Variants in RBFOX1 observed in about 807,000 individuals in gnomAD.
RBFOX1 encodes the protein RNA binding fox-1 homolog 1, also known as RNA binding protein fox-1 homolog 1.
A neutral mutation model predicts 57.7 loss-of-function variants in RBFOX1; 8 were observed. That is an observed-to-expected ratio of 0.14 (90% confidence interval 0.08 to 0.25). The LOEUF is 0.25. RBFOX1 is among the 10% of genes least tolerant of loss of function. The pLI, the probability that RBFOX1 is intolerant of heterozygous loss-of-function variation, is 1.00. For synonymous variants in RBFOX1, 326 were observed against 222.4 expected (o/e 1.47, Z -4.15); for missense variants, 611 against 548.5 (o/e 1.11, Z -1.14).
intron 3 of RBFOX1, among the ~76,000 whole-genome samples, chr16:6,913,650 A>C (rs2072311769): frequency 1.3e-5 from 2 of 152,128 alleles, no homozygotes; most frequent in African/African-American, 4.8e-5. Flanking sequence ...TTGGGCAGCA[A>C]GTTGGTCTCC....
intron 2 of RBFOX1, among the ~76,000 whole-genome samples, chr16:6,428,285 C>CAAA (rs755273285): frequency 8.2e-4 from 42 of 51,164 alleles, no homozygotes; most frequent in South Asian, 1.4e-3. Context: ...GACCTTGTCT[C>CAAA]AAAAAAAAAA....
At chr16:6,324,071 C>G (rs991714619) in intron 2 of RBFOX1, among the ~76,000 whole-genome samples, 5 of 152,166 alleles carry the variant, frequency 3.3e-5, no homozygotes, top group Non-Finnish European at 5.9e-5. Flanking sequence ...CCATACTCAG[C>G]CAACTCTGAG....
intron 3 of RBFOX1, among the ~76,000 whole-genome samples, chr16:6,964,661 C>T (rs1994766): frequency 0.79 from 120,563 of 152,140 alleles, 48,279 homozygotes; most frequent in African/African-American, 0.91. Flanking sequence ...TTTTGACAAA[C>T]TCATTCCTTC....
chr16:5,732,056 T>C (rs2052393629), intron 3 of RBFOX1, among the ~76,000 whole-genome samples: 1 of 152,224 alleles, frequency 6.6e-6, no homozygotes, highest in African/African-American at 2.4e-5. Flanking sequence ...TAACATTTCC[T>C]CTTTGCTTCA....
At chr16:5,831,844 T>C (rs1024141719) in intron 3 of RBFOX1, among the ~76,000 whole-genome samples, 2 of 152,210 alleles carry the variant, frequency 1.3e-5, no homozygotes, top group African/African-American at 4.8e-5. Flanking sequence ...AAATTATTTA[T>C]AAATGAATGC....
At chr16:7,380,611 T>C (rs932192995) in intron 4 of RBFOX1, among the ~76,000 whole-genome samples, 1 of 152,244 alleles carries the variant, frequency 6.6e-6, no homozygotes. Flanking sequence ...AACTCTGGTC[T>C]GCTTTCAATT....
At chr16:5,492,819 A>G (rs1288412318) in intron 2 of RBFOX1, among the ~76,000 whole-genome samples, 3 of 152,178 alleles carry the variant, frequency 2.0e-5, no homozygotes, top group Non-Finnish European at 4.4e-5. Context: ...AAACCATTAA[A>G]CCATCAATAG....
chr16:6,478,425 A>ATTTTT (rs1242285726), intron 2 of RBFOX1, among the ~76,000 whole-genome samples: 41 of 11,714 alleles, frequency 3.5e-3, no homozygotes, highest in East Asian at 6.0e-3. Context: ...ATATATATAT[A>ATTTTT]TATATTTTTT....
chr16:6,540,128 A>G (rs752085826), intron 2 of RBFOX1, among the ~76,000 whole-genome samples: 4 of 152,162 alleles, frequency 2.6e-5, no homozygotes, highest in Admixed American at 6.5e-5. Flanking sequence ...TGTTTTTAGC[A>G]TAATGACCTG....
At chr16:5,978,173 G>A (rs565638496) in intron 4 of RBFOX1, among the ~76,000 whole-genome samples, 96 of 136,276 alleles carry the variant, frequency 7.0e-4, no homozygotes, top group African/African-American at 2.5e-3. Flanking sequence ...CAAGAGCCAG[G>A]TGTGGTAGTG....
intron 4 of RBFOX1, among the ~76,000 whole-genome samples, chr16:5,992,950 A>G (rs1430152865): frequency 6.6e-6 from 1 of 152,138 alleles, no homozygotes; most frequent in Non-Finnish European, 1.5e-5. Context: ...AGAAAGAAAA[A>G]AAAGATTTGC....
chr16:6,379,467 T>A (rs1200973213), intron 2 of RBFOX1, among the ~76,000 whole-genome samples: 1 of 151,714 alleles, frequency 6.6e-6, no homozygotes, highest in Admixed American at 6.6e-5. Flanking sequence ...CCTACCCGCA[T>A]GAGAAGGTTG....
intron 1 of RBFOX1, among the ~76,000 whole-genome samples, chr16:5,274,603 G>A (rs1258143325): frequency 2.6e-5 from 4 of 152,132 alleles, no homozygotes; most frequent in Admixed American, 6.5e-5. Flanking sequence ...CCTTTCATAC[G>A]TCTCCTCCCT....
At chr16:6,262,125 C>G (rs1567801286) in intron 1 of RBFOX1, among the ~76,000 whole-genome samples, 1 of 152,268 alleles carries the variant, frequency 6.6e-6, no homozygotes, top group East Asian at 1.9e-4. Flanking sequence ...GACTCCTTGA[C>G]TTCCCTTCTA....
intron 3 of RBFOX1, among the ~76,000 whole-genome samples, chr16:6,962,118 C>T (rs961795203): frequency 1.3e-5 from 2 of 152,142 alleles, no homozygotes; most frequent in African/African-American, 4.8e-5. Context: ...GTATCCAGGA[C>T]CATATTTCCT....
chr16:7,258,629 T>A (rs773090868), intron 4 of RBFOX1, among the ~76,000 whole-genome samples: 2 of 152,172 alleles, frequency 1.3e-5, no homozygotes, highest in African/African-American at 2.4e-5. Context: ...CAAAATAATA[T>A]CCATCCTGTA....
chr16:6,478,136 T>G (rs568693898), intron 2 of RBFOX1, among the ~76,000 whole-genome samples: 1 of 151,374 alleles, frequency 6.6e-6, no homozygotes, highest in Non-Finnish European at 1.5e-5. Flanking sequence ...TTCAAGGGAG[T>G]AGCACTTTTA....
chr16:7,005,526 A>T (rs1278853103), intron 3 of RBFOX1, among the ~76,000 whole-genome samples: 2 of 152,218 alleles, frequency 1.3e-5, no homozygotes, highest in African/African-American at 2.4e-5. Context: ...GTACAATGAT[A>T]AGTGTTCTGT....
chr16:6,153,913 C>T (rs1196178211), intron 1 of RBFOX1, among the ~76,000 whole-genome samples: 2 of 152,140 alleles, frequency 1.3e-5, no homozygotes, highest in African/African-American at 2.4e-5. Context: ...TTTTGTTTTC[C>T]ATTCCTGAGG....
Sources: allele counts gnomAD v4.1 joint callset (sites outside exome capture counted in the v4.1 genomes callset), GRCh38; gene constraint gnomAD v4.1.1; transcripts MANE v1.5; gene names NCBI Gene and HGNC (gene_info 2026-07-23, HGNC 2026-07-21).